SH2D4A: variants seen among roughly 807,000 people sequenced by gnomAD.
SH2D4A encodes SH2 domain containing 4A.
In SH2D4A, 70 loss-of-function variants were observed where a neutral mutation model predicts 64.7. The ratio of observed to expected loss-of-function variants is 1.08; its 90% CI spans 0.89 to 1.32. SH2D4A has a LOEUF of 1.32. Among genes scored for constraint, SH2D4A ranks in the 40% most tolerant of loss-of-function variants. The pLI is 0.00. For missense variants in SH2D4A, 706 were observed against 540.1 expected, an observed-to-expected ratio of 1.31 and a Z score of -3.04; for synonymous variants, 268 against 200.7, an observed-to-expected ratio of 1.34 and a Z score of -2.83.
At chr8:19,366,285 T>C (rs1328044031) in intron 7 of SH2D4A, among the ~76,000 whole-genome samples, 1 of 152,208 alleles carries the variant, frequency 6.6e-6, no homozygotes, top group Non-Finnish European at 1.5e-5. Flanking sequence ...CCTCAAACAC[T>C]TGTCATTTCT....
intron 4 of SH2D4A, among the ~76,000 whole-genome samples, chr8:19,351,702 C>T (rs2052708080): frequency 6.6e-6 from 1 of 152,018 alleles, no homozygotes; most frequent in African/African-American, 2.4e-5. Flanking sequence ...AAATTGAGTC[C>T]TGACAATGTT....
At chr8:19,340,494 C>T (rs1036332427) in intron 4 of SH2D4A, among the ~76,000 whole-genome samples, 4 of 151,834 alleles carry the variant, frequency 2.6e-5, no homozygotes, top group African/African-American at 7.3e-5. Flanking sequence ...AGAGCTGATG[C>T]TAAAGGAGAA....
At chr8:19,347,616 G>A (rs1414207484) in intron 4 of SH2D4A, among the ~76,000 whole-genome samples, 1 of 152,146 alleles carries the variant, frequency 6.6e-6, no homozygotes, top group Admixed American at 6.5e-5. Context: ...AAGGGACCTT[G>A]AATAAAACTA....
At chr8:19,326,735 C>T (rs1424201079) in intron 2 of SH2D4A, among the ~76,000 whole-genome samples, 2 of 152,130 alleles carry the variant, frequency 1.3e-5, no homozygotes, top group Non-Finnish European at 2.9e-5. Context: ...ACGTCTTTTA[C>T]TGTGATTGCC....
intron 8 of SH2D4A, among the ~76,000 whole-genome samples, chr8:19,377,480 G>A (rs1251278782): frequency 6.6e-6 from 1 of 152,150 alleles, no homozygotes; most frequent in African/African-American, 2.4e-5. Context: ...TTCTGAAGCT[G>A]TGATTTCCAT....
At chr8:19,351,236 G>T (rs971705584) in intron 4 of SH2D4A, among the ~76,000 whole-genome samples, 1 of 151,956 alleles carries the variant, frequency 6.6e-6, no homozygotes, top group African/African-American at 2.4e-5. Context: ...TCAATGACCT[G>T]GTTGGCAAAA....
chr8:19,367,531 G>C (rs2053018148), intron 7 of SH2D4A, among the ~76,000 whole-genome samples: 2 of 152,040 alleles, frequency 1.3e-5, no homozygotes, highest in African/African-American at 4.8e-5. Context: ...TTGGTCATTC[G>C]TATGTCTTCT....
chr8:19,394,723 C>A lies in SH2D4A; in HGVS notation c.*81C>A. On this transcript the variant is annotated 3_prime_UTR_variant, in exon 10 of 10. Coordinates refer to ENST00000265807, the MANE Select transcript of SH2D4A (RefSeq NM_022071.4). ...GCCACTGCAACATTTATGTGTGAAG[C>A]CAAAATCACCCTGCAGCAGAGCCAA... 2.9e-6 allele frequency: 3 copies of A among 1,019,006 alleles called. No homozygotes were observed. Among genetic ancestry groups the A allele is most frequent in the Non-Finnish European group, 4.3e-6 (3 of 700,328 alleles). The allele number at this position is 1,019,006 out of a possible 1,614,324, so 63.1% of individuals were successfully genotyped here.
chr8:19,373,717 A>C lies in SH2D4A; in HGVS notation c.1048+57A>C, dbSNP rs995890755. The C allele has an allele frequency of 1.5e-4, 233 of 1,535,450 alleles. 1 individual carries two copies. In the Middle Eastern group the frequency reaches 1.6e-3, roughly 10 times the overall value. ...GTCTTAGGGCGGATGAAGCTGTGCTAATCTACCAGGAAGCCAGAATAAAAG... is the reference window on the plus strand; with the variant it reads ...GTCTTAGGGCGGATGAAGCTGTGCTCATCTACCAGGAAGCCAGAATAAAAG... On this transcript the variant is annotated intron_variant, in intron 8 of 9. Transcript: ENST00000265807.
At position 19,334,821 on chromosome 8, in the gene SH2D4A, G is replaced by T. The variant is rs56005620; in HGVS notation, c.477G>T (p.Ser159=). The change falls in exon 4 of 10, where the codon TCG becomes TCT. Residue 159 remains serine, a synonymous_variant. Coordinates refer to ENST00000265807, the MANE Select transcript of SH2D4A (RefSeq NM_022071.4). ...AAAAGGAGGAACTGGAGCAAGGATC[G>T]AGGCCAGCACCAACCCTGGAAGAAG... ...VAEKEELEQG[S]RPAPTLEEEK... 0.2 allele frequency: 324,327 copies of T among 1,613,150 alleles called. 37,534 individuals are homozygous for T. The highest frequency in any genetic ancestry group is 0.51 in the African/African-American group (37,963 of 74,786).
Position 19,364,053 on chromosome 8 carries a change from G to T in SH2D4A, c.707-19G>T, listed in dbSNP as rs369364061. On this transcript the variant is annotated intron_variant, in intron 6 of 9. Transcript: ENST00000265807. ...CTGTGGGCTGATGAGGGTTTTCTCC[G>T]ACCCCGTTGTTTTTCCAGTGCGAAA... The T allele has an allele frequency of 1.6e-5, 26 of 1,613,142 alleles. No homozygotes were observed. Among genetic ancestry groups the T allele is most frequent in the African/African-American group, 1.2e-4 (9 of 75,006 alleles).
chr8:19,330,904 A>G (rs2052356612), intron 2 of SH2D4A, among the ~76,000 whole-genome samples: 2 of 152,242 alleles, frequency 1.3e-5, no homozygotes, highest in Admixed American at 1.3e-4. Context: ...TTAACAAACC[A>G]TCTGGCATTA....
At chr8:19,373,755 G>A (rs1016098083) in intron 8 of SH2D4A, 95 bp downstream of exon 8, 1 of 1,435,906 alleles carries the variant, frequency 7.0e-7, no homozygotes, top group Non-Finnish European at 9.3e-7. Context: ...TCCATTTATT[G>A]GTGCTGCCCA....
intron 4 of SH2D4A, among the ~76,000 whole-genome samples, chr8:19,336,344 C>T (rs1350475989): frequency 6.6e-6 from 1 of 152,150 alleles, no homozygotes; most frequent in Non-Finnish European, 1.5e-5. Context: ...AAATATGAGG[C>T]TCAAAATATT....
chr8:19,338,218 G>A (rs2052473667), intron 4 of SH2D4A, among the ~76,000 whole-genome samples: 1 of 152,178 alleles, frequency 6.6e-6, no homozygotes, highest in Non-Finnish European at 1.5e-5. Flanking sequence ...ATTTTAGAGA[G>A]ACAGACCCAC....
At chr8:19,341,445 ACAAT>A (rs1328067209) in intron 4 of SH2D4A, among the ~76,000 whole-genome samples, 1 of 152,228 alleles carries the variant, frequency 6.6e-6, no homozygotes, top group African/African-American at 2.4e-5. Context: ...GATTTAAAGA[ACAAT>A]CAGTCTTCCA....
At chr8:19,383,985 T>C (rs547740726) in intron 8 of SH2D4A, among the ~76,000 whole-genome samples, 139 of 152,350 alleles carry the variant, frequency 9.1e-4, no homozygotes, top group African/African-American at 3.1e-3. Flanking sequence ...GAACAGTACC[T>C]AATAGGTGGT....
At chr8:19,329,212 A>G (rs549596260) in intron 2 of SH2D4A, among the ~76,000 whole-genome samples, 1 of 152,230 alleles carries the variant, frequency 6.6e-6, no homozygotes, top group Non-Finnish European at 1.5e-5. Context: ...AGTACAAAGA[A>G]CTTGTCGTAT....
At chr8:19,328,382 G>A (rs2052316772) in intron 2 of SH2D4A, among the ~76,000 whole-genome samples, 1 of 151,850 alleles carries the variant, frequency 6.6e-6, no homozygotes, top group African/African-American at 2.4e-5. Context: ...TACTCCTTAA[G>A]CAAATGAATT....
Sources: gnomAD v4.1 joint callset for allele counts (sites outside exome capture counted in the v4.1 genomes callset) on GRCh38, gnomAD v4.1.1 for gene constraint, MANE v1.5 for transcripts, NCBI Gene and HGNC (gene_info 2026-07-23, HGNC 2026-07-21) for gene names.